KCNN2: variants seen among roughly 807,000 people sequenced by gnomAD.
The protein encoded by KCNN2 is small conductance calcium-activated potassium channel protein 2.
Under a neutral mutation model 55.5 loss-of-function variants are expected in KCNN2, and 24 were observed. The ratio of observed to expected loss-of-function variants is 0.43; its 90% CI spans 0.31 to 0.61. The LOEUF is 0.61. Ranked by LOEUF, KCNN2 falls within the 20% of genes least tolerant of loss-of-function variation. The pLI is 0.08. For synonymous variants in KCNN2, 431 were observed against 336.1 expected (o/e 1.28, Z -3.09); for missense variants, 754 against 853.6 (o/e 0.88, Z 1.45).
At chr5:114,145,202 T>G (rs1343135912) in intron 1 of KCNN2, among the ~76,000 whole-genome samples, 1 of 152,224 alleles carries the variant, frequency 6.6e-6, no homozygotes, top group Non-Finnish European at 1.5e-5. Context: ...TACTTTTTTG[T>G]AAGTAATATT....
At chr5:114,170,438 C>A (rs539392728) in intron 1 of KCNN2, among the ~76,000 whole-genome samples, 53 of 152,022 alleles carry the variant, frequency 3.5e-4, no homozygotes, top group African/African-American at 1.3e-3. Flanking sequence ...TTTGGTTATG[C>A]TTTGTGGTGG....
intron 1 of KCNN2, among the ~76,000 whole-genome samples, chr5:114,199,616 T>G (rs934597398): frequency 4.5e-4 from 63 of 138,696 alleles, no homozygotes; most frequent in African/African-American, 2.1e-3. Context: ...TTTTATATTT[T>G]TTTTTATGTG....
intron 3 of KCNN2, among the ~76,000 whole-genome samples, chr5:114,409,398 C>G (rs1759051767): frequency 6.6e-6 from 1 of 152,040 alleles, no homozygotes; most frequent in East Asian, 1.9e-4. Context: ...CTTACGCTTC[C>G]TTGATAATTA....
intron 2 of KCNN2, among the ~76,000 whole-genome samples, chr5:114,399,062 A>G (rs1203238650): frequency 6.6e-6 from 1 of 152,190 alleles, no homozygotes; most frequent in Non-Finnish European, 1.5e-5. Context: ...CGCTCTAGCT[A>G]AGACTTCCAG....
intron 1 of KCNN2, among the ~76,000 whole-genome samples, chr5:114,190,733 A>G (rs1220399108): frequency 6.6e-6 from 1 of 152,168 alleles, no homozygotes; most frequent in African/African-American, 2.4e-5. Context: ...TAAAAAATAT[A>G]TCAGTATGTT....
intron 2 of KCNN2, among the ~76,000 whole-genome samples, chr5:114,337,284 G>A (rs1275182783): frequency 6.6e-6 from 1 of 152,140 alleles, no homozygotes; most frequent in African/African-American, 2.4e-5. Flanking sequence ...TAGGAGGTGG[G>A]TCAGGTCTAA....
chr5:114,190,876 A>G (rs914887178), intron 1 of KCNN2, among the ~76,000 whole-genome samples: 1 of 152,126 alleles, frequency 6.6e-6, no homozygotes, highest in Admixed American at 6.6e-5. Context: ...TGATTGGGGA[A>G]CGGTTATAGG....
upstream of KCNN2, among the ~76,000 whole-genome samples, chr5:114,360,461 T>C (rs1757384184): frequency 6.6e-6 from 1 of 152,204 alleles, no homozygotes; most frequent in Admixed American, 6.5e-5. Flanking sequence ...GTTGTAATAG[T>C]CTTTATCATG....
intron 1 of KCNN2, among the ~76,000 whole-genome samples, chr5:114,213,755 C>T (rs969052870): frequency 2.6e-5 from 4 of 151,968 alleles, no homozygotes; most frequent in African/African-American, 9.7e-5. Flanking sequence ...TCTTTGTCTC[C>T]ATGGTAGCTT....
chr5:114,181,452 A>G (rs1753239289), intron 1 of KCNN2, among the ~76,000 whole-genome samples: 1 of 152,196 alleles, frequency 6.6e-6, no homozygotes, highest in African/African-American at 2.4e-5. Flanking sequence ...GATTGGTTAT[A>G]TTCTCATTAC....
chr5:114,070,282 C>T (rs1162388470), intron 1 of KCNN2, among the ~76,000 whole-genome samples: 5 of 152,194 alleles, frequency 3.3e-5, no homozygotes, highest in African/African-American at 1.2e-4. Context: ...GTCCTAACTC[C>T]CCAGGAGGGG....
chr5:114,073,131 G>A (rs1750611011), intron 1 of KCNN2, among the ~76,000 whole-genome samples: 1 of 152,080 alleles, frequency 6.6e-6, no homozygotes, highest in Non-Finnish European at 1.5e-5. Flanking sequence ...CCCTTAGTCA[G>A]TGTTATCATC....
At chr5:114,173,850 A>G (rs1021692594) in intron 1 of KCNN2, among the ~76,000 whole-genome samples, 2 of 152,022 alleles carry the variant, frequency 1.3e-5, no homozygotes, top group Non-Finnish European at 2.9e-5. Context: ...TAAGAAAATC[A>G]TTAGTGATAC....
chr5:114,235,031 C>T (rs774680196), intron 2 of KCNN2, among the ~76,000 whole-genome samples: 7 of 152,146 alleles, frequency 4.6e-5, no homozygotes, highest in East Asian at 1.9e-4. Context: ...TTTCTGTGAA[C>T]ATGAATATTC....
At chr5:114,309,636 A>G (rs1756358334) in intron 2 of KCNN2, among the ~76,000 whole-genome samples, 1 of 152,216 alleles carries the variant, frequency 6.6e-6, no homozygotes, top group Non-Finnish European at 1.5e-5. Context: ...AGAGAGACCC[A>G]CTGGGGACCT....
chr5:114,372,094 A>G (rs539300849), intron 2 of KCNN2, among the ~76,000 whole-genome samples: 1 of 152,210 alleles, frequency 6.6e-6, no homozygotes, highest in Non-Finnish European at 1.5e-5. Context: ...AAACTTGTTT[A>G]GGTTTGGAAA....
At chr5:114,463,555 T>G (rs372844647) in intron 4 of KCNN2, among the ~76,000 whole-genome samples, 2 of 152,216 alleles carry the variant, frequency 1.3e-5, no homozygotes, top group Non-Finnish European at 2.9e-5. Context: ...CCATAATAAC[T>G]ATCTTGAAAT....
chr5:114,364,952 T>G (rs1488324612), intron 2 of KCNN2, among the ~76,000 whole-genome samples: 1 of 151,950 alleles, frequency 6.6e-6, no homozygotes, highest in Non-Finnish European at 1.5e-5. Context: ...TTTGAGACCC[T>G]TAATTTAGGC....
chr5:114,320,601 G>A (rs1213167341), intron 2 of KCNN2, among the ~76,000 whole-genome samples: 1 of 149,898 alleles, frequency 6.7e-6, no homozygotes, highest in African/African-American at 2.5e-5. Flanking sequence ...GTGACACAGC[G>A]AGACTCTGTC....
Sources: allele counts gnomAD v4.1 joint callset (sites outside exome capture counted in the v4.1 genomes callset), GRCh38; gene constraint gnomAD v4.1.1; transcripts MANE v1.5; gene names NCBI Gene and HGNC (gene_info 2026-07-23, HGNC 2026-07-21).